Variants in NAT1 observed in about 807,000 individuals in gnomAD.
The protein encoded by NAT1 is N-acetyltransferase 1, also known as arylamine N-acetyltransferase 1.
For synonymous variants in NAT1, 144 were observed against 122.6 expected (o/e 1.17, Z -1.16); for missense variants, 400 against 339.2 (o/e 1.18, Z -1.41).
At chr8:18,191,827 CA>C (rs1229678728) in intron 2 of NAT1, among the ~76,000 whole-genome samples, 2 of 151,388 alleles carry the variant, frequency 1.3e-5, no homozygotes, top group African/African-American at 4.8e-5. Flanking sequence ...ACACCTTATA[CA>C]AAAATTAATT....
At chr8:18,176,531 C>T (rs1688240042) in intron 2 of NAT1, among the ~76,000 whole-genome samples, 1 of 151,686 alleles carries the variant, frequency 6.6e-6, no homozygotes, top group South Asian at 2.1e-4. Flanking sequence ...CGGGTTATTT[C>T]TGGGCATTCT....
In NAT1 at chr8:18,197,235, G is replaced by A. The variant is rs116850633; in HGVS notation, n.93-12546G>A. Among the ~76,000 whole-genome samples, 72 of 152,284 alleles carry A rather than the reference G, an allele frequency of 4.7e-4. No individual in the cohort carries two copies. The East Asian group carries it at 0.012, about 26-fold the overall frequency. On this transcript the variant is annotated intron_variant and non_coding_transcript_variant, in intron 2 of 4. Coordinates refer to the NAT1 transcript ENST00000517441. Reference sequence around the variant, plus strand: ...AGATTACAGTTTGAGATGAGATTGCGTTGGGGACTCGGTCCCAAACCATAT... The same window carrying A: ...AGATTACAGTTTGAGATGAGATTGCATTGGGGACTCGGTCCCAAACCATAT...
At position 18,213,243 on chromosome 8, in the gene NAT1, T is replaced by C. The variant is rs565399374; in HGVS notation, c.-86+3063T>C. Reference sequence around the variant, plus strand: ...GGTCTAAGGGGTCTCATTTGAGTCATTGTATATAAATTTTTTTTTCAATGT... The same window carrying C: ...GGTCTAAGGGGTCTCATTTGAGTCACTGTATATAAATTTTTTTTTCAATGT... On this transcript the variant is annotated intron_variant, in intron 1 of 2. Coordinates refer to ENST00000307719, the MANE Select transcript of NAT1 (RefSeq NM_000662.8). Among the ~76,000 whole-genome samples the C allele has an allele frequency of 6.4e-4, 97 of 152,062 alleles. 1 individual carries two copies. In the South Asian group the frequency reaches 0.018, roughly 28 times the overall value.
chr8:18,222,135 C>G lies in NAT1; in HGVS notation c.88C>G (p.His30Asp). Residue 30 changes from histidine (H) to aspartate (D), a missense_variant, in exon 3 of 3, where the codon CAC becomes GAC. His to Asp is a moderately conservative substitution (Grantham distance 81). Transcript: ENST00000307719. ...DLETLTDILQ[H>D]QIRAVPFENL... Reference sequence around the variant, plus strand: ...GGAAACATTAACTGACATTCTTCAACACCAGATCCGAGCTGTTCCCTTTGA... The same window carrying G: ...GGAAACATTAACTGACATTCTTCAAGACCAGATCCGAGCTGTTCCCTTTGA... 1 of 1,614,132 alleles carries G rather than the reference C, an allele frequency of 6.2e-7. No homozygotes were observed. The highest frequency in any genetic ancestry group is 1.1e-5 in the South Asian group (1 of 91,084).
chr8:18,197,769 A>G (rs1289217716), intron 2 of NAT1, among the ~76,000 whole-genome samples: 1 of 152,124 alleles, frequency 6.6e-6, no homozygotes, highest in Non-Finnish European at 1.5e-5. Context: ...TAGATTAATC[A>G]TGGTAATCCC....
intron 2 of NAT1, among the ~76,000 whole-genome samples, chr8:18,174,829 T>C (rs189266802): frequency 2.0e-5 from 3 of 152,198 alleles, no homozygotes; most frequent in South Asian, 2.1e-4. Flanking sequence ...ATTGGCTCTA[T>C]AACCCTTTTA....
chr8:18,179,654 A>C (rs775646857), intron 2 of NAT1, among the ~76,000 whole-genome samples: 2 of 152,200 alleles, frequency 1.3e-5, no homozygotes, highest in Non-Finnish European at 2.9e-5. Context: ...TCAAATGTCT[A>C]TAAGGGATCA....
chr8:18,207,189 T>A (rs1205054566), upstream of NAT1, among the ~76,000 whole-genome samples: 1 of 152,154 alleles, frequency 6.6e-6, no homozygotes, highest in Non-Finnish European at 1.5e-5. Flanking sequence ...TGTAGATGTG[T>A]GGTCTTATTT....
Position 18,222,384 on chromosome 8 carries a change from A to G in NAT1, c.337A>G (p.Thr113Ala), listed in dbSNP as rs1232055758. The G allele has an allele frequency of 1.2e-6, 2 of 1,613,918 alleles. No homozygotes were observed. The highest frequency in any genetic ancestry group is 2.7e-5 in the African/African-American group (2 of 74,874). The change falls in exon 3 of 3, where the codon ACC (threonine) becomes GCC (alanine). Residue 113 changes from threonine to alanine, a missense_variant. Thr to Ala is a moderately conservative substitution (Grantham distance 58). Coordinates refer to ENST00000307719, the MANE Select transcript of NAT1 (RefSeq NM_000662.8). Reference protein sequence around the residue: ...TGMIHLLLQVTIDGRNYIVDA... With the variant: ...TGMIHLLLQVAIDGRNYIVDA... ...CATGATTCACCTTCTCCTGCAGGTG[A>G]CCATTGATGGCAGGAACTACATTGT...
chr8:18,193,508 T>A (rs201625753), intron 2 of NAT1, among the ~76,000 whole-genome samples: 11,613 of 90,702 alleles, frequency 0.13, 850 homozygotes, highest in African/African-American at 0.31. Context: ...ATATATATAA[T>A]ATATATATAT....
At position 18,191,160 on chromosome 8, in the gene NAT1, T is replaced by C. The variant is rs188075619; in HGVS notation, n.93-18621T>C. ...TAGAACTATGGATCAAATATTAAAG[T>C]CTTCCACATTCATACAATATCCTTA... On this transcript the variant is annotated intron_variant and non_coding_transcript_variant, in intron 2 of 4. Coordinates refer to the NAT1 transcript ENST00000517441. Among the ~76,000 whole-genome samples, 5 of 152,346 alleles carry C rather than the reference T, an allele frequency of 3.3e-5. No individual in the cohort carries two copies. In the East Asian group the frequency reaches 9.6e-4, roughly 29 times the overall value.
At chr8:18,184,028 G>A (rs1030343893) in intron 2 of NAT1, among the ~76,000 whole-genome samples, 1 of 152,062 alleles carries the variant, frequency 6.6e-6, no homozygotes, top group Non-Finnish European at 1.5e-5. Context: ...ATGCTTTCAG[G>A]GTCCCGGGGC....
chr8:18,185,461 T>G (rs1802695696), intron 2 of NAT1, among the ~76,000 whole-genome samples: 1 of 152,176 alleles, frequency 6.6e-6, no homozygotes, highest in Non-Finnish European at 1.5e-5. Flanking sequence ...GTGGTGTAAT[T>G]TTGTTTTTTA....
chr8:18,192,509 T>A (rs1369224817), intron 2 of NAT1, among the ~76,000 whole-genome samples: 1 of 152,198 alleles, frequency 6.6e-6, no homozygotes, highest in Non-Finnish European at 1.5e-5. Flanking sequence ...CAATGGACTA[T>A]AAATCATGCT....
At chr8:18,177,153 C>T (rs1010627830) in intron 2 of NAT1, among the ~76,000 whole-genome samples, 7 of 151,960 alleles carry the variant, frequency 4.6e-5, no homozygotes, top group African/African-American at 9.7e-5. Context: ...TATCAACAGA[C>T]AGTCTCATTT....
intron 2 of NAT1, among the ~76,000 whole-genome samples, chr8:18,188,876 C>A (rs1043742861): frequency 6.6e-6 from 1 of 150,594 alleles, no homozygotes; most frequent in Non-Finnish European, 1.5e-5. Flanking sequence ...ACACCTATAA[C>A]CCCAGCTACT....
chr8:18,172,038 T>C (rs1351889903), intron 2 of NAT1, among the ~76,000 whole-genome samples: 2 of 152,216 alleles, frequency 1.3e-5, no homozygotes, highest in Non-Finnish European at 2.9e-5. Context: ...CTAAGCATCA[T>C]TTAAAACACT....
chr8:18,208,299 C>CA (rs565904758), upstream of NAT1, among the ~76,000 whole-genome samples: 266 of 148,270 alleles, frequency 1.8e-3, 1 homozygote, highest in South Asian at 0.012. Context: ...GAAACAGAAA[C>CA]AAAAAAAAAG....
intron 2 of NAT1, among the ~76,000 whole-genome samples, chr8:18,184,132 G>A (rs62494027): frequency 0.15 from 22,570 of 152,136 alleles, 1,941 homozygotes; most frequent in South Asian, 0.29. Flanking sequence ...ACAAGTCTCT[G>A]CCTGGGCCCC....
Sources: allele counts gnomAD v4.1 joint callset (sites outside exome capture counted in the v4.1 genomes callset), GRCh38; gene constraint gnomAD v4.1.1; transcripts MANE v1.5; gene names NCBI Gene and HGNC (gene_info 2026-07-23, HGNC 2026-07-21).